The following TIMMDC1 variants were observed in gnomAD, a reference collection of about 807,000 sequenced individuals.
TIMMDC1 encodes translocase of inner mitochondrial membrane domain containing 1.
TIMMDC1 carries 25 observed loss-of-function variants against 32.6 expected under a neutral mutation model. That is an observed-to-expected ratio of 0.77 (90% CI 0.56 to 1.07). The LOEUF is 1.07. Among genes scored for constraint, TIMMDC1 ranks in the 50% least tolerant of loss-of-function variants. The pLI is 0.00. For missense variants in TIMMDC1, 329 were observed against 349.2 expected (o/e 0.94, Z 0.46); for synonymous variants, 130 against 127.6 (o/e 1.02, Z -0.13).
rs150726658 is a variant in TIMMDC1, at chr3:119,506,671, A to G, written c.517+2650A>G. Among the ~76,000 whole-genome samples, 374 of 152,120 alleles carry G rather than the reference A, an allele frequency of 2.5e-3. 2 individuals carry two copies. The highest frequency in any genetic ancestry group is 7.5e-3 in the African/African-American group (313 of 41,474). On this transcript the variant is annotated intron_variant, in intron 4 of 6. Transcript: ENST00000494664. ...CTACTATCTTATCGTCCCTGTTTCTAATCTTGATGTGCTCTACCTGTAACC... is the reference window on the plus strand; with the variant it reads ...CTACTATCTTATCGTCCCTGTTTCTGATCTTGATGTGCTCTACCTGTAACC...
chr3:119,503,414 A>G (rs942168697), intron 2 of TIMMDC1, 118 bp from the exon 3 acceptor site: 16 of 659,564 alleles, frequency 2.4e-5, no homozygotes, highest in Non-Finnish European at 4.0e-5. Context: ...ATTTTCTAGT[A>G]TTTCTATCTG....
At chr3:119,502,440 G>A (rs1311335034) in intron 2 of TIMMDC1, among the ~76,000 whole-genome samples, 1 of 146,354 alleles carries the variant, frequency 6.8e-6, no homozygotes, top group Non-Finnish European at 1.5e-5. Context: ...ATGTTGCCCA[G>A]GCTGGTCTCA....
At position 119,500,753 on chromosome 3, in the gene TIMMDC1, G is replaced by A. The variant is rs1451136395; in HGVS notation, c.253G>A (p.Gly85Ser). 2 of 1,614,162 alleles carry A rather than the reference G, an allele frequency of 1.2e-6. No individual in the cohort carries two copies. Among genetic ancestry groups the A allele is most frequent in the South Asian group, 1.1e-5 (1 of 91,080 alleles). Residue 85 changes from glycine (G) to serine (S), a missense_variant, in exon 2 of 7, where the codon GGC becomes AGC. Physicochemically the swap from Gly to Ser is moderately conservative, Grantham distance 56. Transcript: ENST00000494664. ...TATCTGTAAGACGGCAGCTACAGCA[G>A]GCATCATTGGCTGGGTGTATGGGGG... ...ANICKTAATAGIIGWVYGGIP... is the reference protein window; with the variant it reads ...ANICKTAATASIIGWVYGGIP...
intron 6 of TIMMDC1, among the ~76,000 whole-genome samples, chr3:119,519,305 A>T (rs976263995): frequency 2.6e-5 from 4 of 152,206 alleles, no homozygotes; most frequent in African/African-American, 7.2e-5. Context: ...AAAGATTTAG[A>T]GTGGCTGAAT....
intron 4 of TIMMDC1, among the ~76,000 whole-genome samples, chr3:119,510,753 C>T (rs1200991054): frequency 6.6e-5 from 10 of 152,266 alleles, no homozygotes; most frequent in African/African-American, 2.4e-4. Context: ...AATTAGTTAA[C>T]ATTTATTATG....
At position 119,498,904 on chromosome 3, in the gene TIMMDC1, C is replaced by T. The variant is rs769542527; in HGVS notation, c.171C>T (p.Arg57=). ...EPYYPESGWD[R]LRELFGKDEQ... is the part of the protein sequence containing the mutation. ...ATTACCCGGAATCTGGATGGGACCG[C>T]CTCCGGGAGCTGTTTGGCAAAGAGT... The change falls in exon 1 of 7, where the codon CGC becomes CGT. Residue 57 remains arginine, a synonymous_variant. Coordinates refer to ENST00000494664, the MANE Select transcript of TIMMDC1 (RefSeq NM_016589.4). 6 of 1,613,924 alleles carry T rather than the reference C, an allele frequency of 3.7e-6. No homozygotes were observed. The South Asian group carries it at 5.5e-5, about 15-fold the overall frequency.
chr3:119,504,077 G>A (rs2081899556), intron 4 of TIMMDC1, 56 bp downstream of exon 4: 9 of 1,333,044 alleles, frequency 6.8e-6, no homozygotes, highest in East Asian at 2.3e-5. Flanking sequence ...TAGAAAATGT[G>A]TAAGGACTTA....
intron 2 of TIMMDC1, among the ~76,000 whole-genome samples, chr3:119,501,853 A>G (rs1280305752): frequency 6.6e-6 from 1 of 152,074 alleles, no homozygotes; most frequent in Non-Finnish European, 1.5e-5. Context: ...TTTATTTTGT[A>G]GAATGTCCCT....
At chr3:119,518,780 A>T (rs114428105) in intron 6 of TIMMDC1, among the ~76,000 whole-genome samples, 1 of 152,182 alleles carries the variant, frequency 6.6e-6, no homozygotes, top group East Asian at 1.9e-4. Context: ...GTCCACTGCC[A>T]CCATTTACCT....
chr3:119,503,680 C>T (rs933496125), intron 3 of TIMMDC1, 60 bp downstream of exon 3: 2 of 1,358,758 alleles, frequency 1.5e-6, no homozygotes, highest in Non-Finnish European at 2.0e-6. Flanking sequence ...AGGAGTGTGT[C>T]TTTTGAGCAG....
rs1452063265 is a variant in TIMMDC1, at chr3:119,498,718, AG to A, written c.-14del. The A allele has an allele frequency of 1.9e-6, 3 of 1,612,910 alleles. No homozygotes were observed. In the Admixed American group the frequency reaches 5.0e-5, roughly 27 times the overall value. On this transcript the variant is annotated 5_prime_UTR_variant, in exon 1 of 7. Transcript: ENST00000494664. ...GTCCTGAGCGCTCAAGTTTGTCCGTAGGTCGAGAGAAGGCCATGGAGGTGCC... is the reference window on the plus strand; with the variant it reads ...GTCCTGAGCGCTCAAGTTTGTCCGTAGTCGAGAGAAGGCCATGGAGGTGCC...
intron 4 of TIMMDC1, among the ~76,000 whole-genome samples, chr3:119,506,433 G>A (rs1346159596): frequency 3.3e-5 from 5 of 151,860 alleles, no homozygotes; most frequent in Admixed American, 2.0e-4. Flanking sequence ...GTGGGAGGAT[G>A]GCATGAGCCC....
intron 4 of TIMMDC1, among the ~76,000 whole-genome samples, chr3:119,504,313 CA>C (rs2081901873): frequency 6.6e-6 from 1 of 152,112 alleles, no homozygotes; most frequent in African/African-American, 2.4e-5. Flanking sequence ...CTCATATGGA[CA>C]GGGTAGTCAA....
intron 4 of TIMMDC1, among the ~76,000 whole-genome samples, chr3:119,505,901 T>C (rs2081915935): frequency 6.6e-6 from 1 of 152,038 alleles, no homozygotes; most frequent in Non-Finnish European, 1.5e-5. Flanking sequence ...AAACACACAA[T>C]TTGAACTTTT....
intron 4 of TIMMDC1, among the ~76,000 whole-genome samples, chr3:119,505,975 G>A (rs1045279875): frequency 5.3e-5 from 8 of 152,046 alleles, no homozygotes; most frequent in African/African-American, 1.9e-4. Context: ...TTAGGTAAAC[G>A]CGTGTCATGG....
Position 119,498,802 on chromosome 3 carries a change from T to C in TIMMDC1, c.69T>C (p.Phe23=). The C allele has an allele frequency of 1.2e-6, 2 of 1,614,212 alleles. No individual in the cohort carries two copies. Among genetic ancestry groups the C allele is most frequent in the South Asian group, 2.2e-5 (2 of 91,090 alleles). ...CRALCLFPRV[F]AAEAVTADSE... ...CATTGTGCCTATTTCCCCGAGTCTT[T>C]GCTGCCGAAGCTGTGACTGCCGATT... The change falls in exon 1 of 7, where the codon TTT becomes TTC. Residue 23 remains phenylalanine (F), a synonymous_variant. Transcript: ENST00000494664.
intron 4 of TIMMDC1, among the ~76,000 whole-genome samples, chr3:119,508,142 C>T (rs2081930027): frequency 6.6e-6 from 1 of 152,180 alleles, no homozygotes; most frequent in Non-Finnish European, 1.5e-5. Context: ...TGCCAGAAGC[C>T]TGAGGGGATT....
intron 1 of TIMMDC1, 73 bp downstream of exon 1, chr3:119,499,000 T>C (rs1022334604): frequency 7.1e-7 from 1 of 1,413,004 alleles, no homozygotes; most frequent in African/African-American, 1.4e-5. Context: ...GCAGCCTGGG[T>C]CAGCCTTAGG....
Position 119,500,719 on chromosome 3 carries a change from C to T in TIMMDC1, c.219C>T (p.Asp73=). 6.2e-7 allele frequency: 1 copy of T among 1,613,388 alleles called. No individual in the cohort carries two copies. The highest frequency in any genetic ancestry group is 8.5e-7 in the Non-Finnish European group (1 of 1,179,794). The change falls in exon 2 of 7, where the codon GAC becomes GAT. Residue 73 remains aspartate (D), a synonymous_variant. Coordinates refer to ENST00000494664, the MANE Select transcript of TIMMDC1 (RefSeq NM_016589.4). The part of the protein sequence containing the change: ...GKDEQQRISK[D]LANICKTAAT... ...GTGAACAGCAGAGAATTTCAAAGGA[C>T]CTTGCTAATATCTGTAAGACGGCAG... is the stretch of plus-strand genomic sequence containing the variant.
Sources: allele counts gnomAD v4.1 joint callset (sites outside exome capture counted in the v4.1 genomes callset), GRCh38; gene constraint gnomAD v4.1.1; transcripts MANE v1.5; gene names NCBI Gene and HGNC (gene_info 2026-07-23, HGNC 2026-07-21).